The following CSMD3 variants were observed in gnomAD, a reference collection of about 807,000 sequenced individuals.
CSMD3 encodes the protein CUB and Sushi multiple domains 3.
CSMD3 carries 177 observed loss-of-function variants against 435.2 expected under a neutral mutation model. The observed-to-expected ratio is 0.41, with a 90% CI of 0.36 to 0.46. The LOEUF is 0.46. CSMD3 is among the 20% of genes least tolerant of loss of function. The probability of loss-of-function intolerance (pLI) is 0.34; values close to 1 mark genes in which losing one functional copy is unlikely to be tolerated. For missense variants in CSMD3, 4,265 were observed against 4,504.6 expected (o/e 0.95, Z 1.52); for synonymous variants, 1,656 against 1,520.5 (o/e 1.09, Z -2.07).
chr8:112,549,093 T>C (rs1363390993), intron 27 of CSMD3, among the ~76,000 whole-genome samples: 1 of 152,054 alleles, frequency 6.6e-6, no homozygotes, highest in African/African-American at 2.4e-5. Flanking sequence ...GAGACACCTT[T>C]CCATATTACT....
At chr8:113,319,718 A>G (rs1323789860) in intron 1 of CSMD3, among the ~76,000 whole-genome samples, 2 of 152,098 alleles carry the variant, frequency 1.3e-5, no homozygotes, top group Non-Finnish European at 2.9e-5. Flanking sequence ...CTCTGATAAC[A>G]AGTAGTTACT....
chr8:112,783,035 A>AT (rs1372009465), intron 13 of CSMD3, among the ~76,000 whole-genome samples: 2 of 152,064 alleles, frequency 1.3e-5, no homozygotes, highest in African/African-American at 4.8e-5. Context: ...AAGTACACAG[A>AT]TAAAAAAGAA....
intron 32 of CSMD3, among the ~76,000 whole-genome samples, chr8:112,457,416 G>A (rs1479957959): frequency 1.3e-5 from 2 of 152,076 alleles, no homozygotes; most frequent in African/African-American, 2.4e-5. Context: ...TTCTTAAAAG[G>A]TATAATGCTA....
intron 5 of CSMD3, among the ~76,000 whole-genome samples, chr8:113,074,626 A>G (rs560233336): frequency 3.9e-5 from 6 of 152,032 alleles, no homozygotes; most frequent in Non-Finnish European, 7.4e-5. Context: ...CCACAGAGCA[A>G]AGAAGGCTAG....
At position 112,405,214 on chromosome 8, in the gene CSMD3, CATATATAT is replaced by C. The variant is rs71309768; in HGVS notation, c.5809+1302_5809+1309del. Reference sequence around the variant, plus strand: ...AAAAAAAAAAAAAAAAAAAAACCCCCATATATATATATATATATATATATATATATATA... The same window carrying C: ...AAAAAAAAAAAAAAAAAAAAACCCCCATATATATATATATATATATATATA... On this transcript the variant is annotated intron_variant, in intron 35 of 70. Coordinates refer to ENST00000297405, the MANE Select transcript of CSMD3 (RefSeq NM_198123.2). 7.8e-3 allele frequency among the ~76,000 whole-genome samples: 148 copies of C among 19,054 alleles called. 8 individuals carry two copies. Among genetic ancestry groups the C allele is most frequent in the African/African-American group, 0.016 (57 of 3,586 alleles). 12.5% of individuals were successfully genotyped at this position (19,054 alleles called of 152,430 possible). A position where few individuals can be genotyped will look rare whatever the true frequency, so the allele number is the denominator to read the frequency against.
Position 112,573,627 on chromosome 8 carries a change from G to C in CSMD3, c.3916C>G (p.Leu1306Val), listed in dbSNP as rs936727664. ...IYDGKDKTTH[L>V]LGAFTGASMR... ...GATGCACCAGTAAAAGCACCTAGTA[G>C]ATGAGTCGTTTTATCTTTTCCATCA... Residue 1306 changes from leucine (L) to valine (V), a missense_variant, in exon 24 of 71, where the codon CTA (leucine) becomes GTA (valine). By Grantham distance (32) the Leu-to-Val change is conservative. Transcript: ENST00000297405. 2 of 1,612,520 alleles carry C rather than the reference G, an allele frequency of 1.2e-6. No homozygotes were observed. Among genetic ancestry groups the C allele is most frequent in the African/African-American group, 2.7e-5 (2 of 74,862 alleles).
At chr8:112,559,344 C>T (rs1222258296) in intron 24 of CSMD3, among the ~76,000 whole-genome samples, 2 of 151,824 alleles carry the variant, frequency 1.3e-5, no homozygotes, top group South Asian at 4.2e-4. Context: ...AACACATGAT[C>T]CTTTCCATCC....
At chr8:112,410,644 ATATATGTG>A (rs1400459733) in intron 32 of CSMD3, among the ~76,000 whole-genome samples, 997 of 83,436 alleles carry the variant, frequency 0.012, 9 homozygotes, top group Middle Eastern at 0.032. Context: ...ATATGTATAT[ATATATGTG>A]TATATATATG....
chr8:113,097,553 T>C (rs2090202494), intron 5 of CSMD3, among the ~76,000 whole-genome samples: 1 of 152,056 alleles, frequency 6.6e-6, no homozygotes, highest in African/African-American at 2.4e-5. Context: ...TCTTTCTATA[T>C]ATCCAATTAT....
intron 6 of CSMD3, among the ~76,000 whole-genome samples, chr8:113,017,164 A>G (rs952751661): frequency 6.6e-6 from 1 of 152,002 alleles, no homozygotes; most frequent in African/African-American, 2.4e-5. Flanking sequence ...GTTGTACCTC[A>G]TAAAACACAT....
rs530626017 is a variant in CSMD3, at chr8:113,391,355, AAT to A, written c.178+45320_178+45321del. Among the ~76,000 whole-genome samples the A allele has an allele frequency of 1.9e-3, 292 of 152,098 alleles. 1 individual carries two copies. The highest frequency in any genetic ancestry group is 2.3e-3 in the South Asian group (11 of 4,830). On this transcript the variant is annotated intron_variant, in intron 1 of 70. Transcript: ENST00000297405. ...TTGTAGTAATTAGAAAAGCAAATCAAATATGTGTAGATGCTCCTGTTGGTTTC... is the reference window on the plus strand; with the variant it reads ...TTGTAGTAATTAGAAAAGCAAATCAAATGTGTAGATGCTCCTGTTGGTTTC...
At chr8:112,287,018 C>G (rs2130631870) in intron 58 of CSMD3, 46 bp downstream of exon 58, 2 of 1,488,586 alleles carry the variant, frequency 1.3e-6, no homozygotes, top group Non-Finnish European at 1.9e-6. Flanking sequence ...TAGATACACA[C>G]TAAAATCCAG....
At chr8:112,982,985 A>T (rs2085109972) in intron 6 of CSMD3, among the ~76,000 whole-genome samples, 1 of 151,978 alleles carries the variant, frequency 6.6e-6, no homozygotes, top group South Asian at 2.1e-4. Context: ...AGGAAGAAAC[A>T]TCCGACACAC....
intron 1 of CSMD3, among the ~76,000 whole-genome samples, chr8:113,337,504 C>T (rs1233934147): frequency 1.3e-5 from 2 of 151,926 alleles, no homozygotes; most frequent in Non-Finnish European, 2.9e-5. Flanking sequence ...GACAACAGAA[C>T]AAATATATAG....
intron 47 of CSMD3, among the ~76,000 whole-genome samples, chr8:112,318,132 A>G (rs1476153142): frequency 6.6e-6 from 1 of 151,902 alleles, no homozygotes; most frequent in African/African-American, 2.4e-5. Flanking sequence ...TCACTTCTCT[A>G]TCTTTGCATA....
chr8:112,451,479 A>T (rs1213861395), intron 32 of CSMD3, among the ~76,000 whole-genome samples: 2 of 152,090 alleles, frequency 1.3e-5, no homozygotes, highest in Non-Finnish European at 2.9e-5. Context: ...TTTGAGTCTG[A>T]TTATATGGTC....
intron 37 of CSMD3, among the ~76,000 whole-genome samples, chr8:112,383,355 AAT>A (rs1220365564): frequency 1.3e-5 from 2 of 152,274 alleles, no homozygotes; most frequent in Non-Finnish European, 2.9e-5. Flanking sequence ...TAATTACACA[AAT>A]ATAGGAAGAA....
At chr8:112,608,643 A>G (rs922550163) in intron 22 of CSMD3, among the ~76,000 whole-genome samples, 17 of 151,956 alleles carry the variant, frequency 1.1e-4, no homozygotes, top group African/African-American at 3.9e-4. Context: ...TAATTTATAT[A>G]TGTATATGTG....
intron 38 of CSMD3, among the ~76,000 whole-genome samples, chr8:112,372,958 G>A (rs1347781459): frequency 6.9e-6 from 1 of 145,736 alleles, no homozygotes; most frequent in Non-Finnish European, 1.5e-5. Context: ...TAGTAACTCT[G>A]CCAGCAGAAA....
Sources: gnomAD v4.1 joint callset for allele counts (sites outside exome capture counted in the v4.1 genomes callset) on GRCh38, gnomAD v4.1.1 for gene constraint, MANE v1.5 for transcripts, NCBI Gene and HGNC (gene_info 2026-07-23, HGNC 2026-07-21) for gene names.